Variants in FYB1 observed in about 807,000 individuals in gnomAD.
FYB1 encodes the protein FYN-binding protein 1.
In FYB1, 41 loss-of-function variants were observed where a neutral mutation model predicts 94.1. That is an observed-to-expected ratio of 0.44 (90% CI 0.34 to 0.57). The LOEUF (loss-of-function observed/expected upper bound fraction) is 0.57, where lower values mean the gene tolerates loss of function less well. Ranked by LOEUF, FYB1 falls within the 20% of genes least tolerant of loss-of-function variation. The pLI is 0.02. For synonymous variants in FYB1, 367 were observed against 353.2 expected, an observed-to-expected ratio of 1.04 and a Z score of -0.44; for missense variants, 1,050 against 976.8, an observed-to-expected ratio of 1.07 and a Z score of -1.00.
At chr5:39,143,247 C>T (rs1742341911) in intron 3 of FYB1, among the ~76,000 whole-genome samples, 1 of 152,072 alleles carries the variant, frequency 6.6e-6, no homozygotes, top group Admixed American at 6.6e-5. Flanking sequence ...CCAGCCTAAA[C>T]CTGCTCTCCC....
intron 1 of FYB1, among the ~76,000 whole-genome samples, chr5:39,267,832 T>G (rs1752496288): frequency 6.6e-6 from 1 of 152,240 alleles, no homozygotes; most frequent in African/African-American, 2.4e-5. Flanking sequence ...GGTTTTCACC[T>G]GGCTACTTTG....
At chr5:39,159,287 A>G (rs1744035598) in intron 2 of FYB1, among the ~76,000 whole-genome samples, 1 of 152,230 alleles carries the variant, frequency 6.6e-6, no homozygotes, top group Non-Finnish European at 1.5e-5. Flanking sequence ...TCTCTGGGCC[A>G]GTATAGGTAC....
intron 3 of FYB1, among the ~76,000 whole-genome samples, chr5:39,148,447 C>A (rs1015905624): frequency 9.5e-6 from 1 of 105,450 alleles, no homozygotes; most frequent in Non-Finnish European, 1.7e-5. Context: ...CTACATGACA[C>A]ATTAAACTTT....
At chr5:39,199,644 G>C (rs1433566085) in intron 2 of FYB1, among the ~76,000 whole-genome samples, 1 of 152,124 alleles carries the variant, frequency 6.6e-6, no homozygotes, top group Non-Finnish European at 1.5e-5. Context: ...TGAGTAAAAA[G>C]CCGGGGTGGG....
chr5:39,169,366 T>C, intron 2 of FYB1: 1 of 759,790 alleles, frequency 1.3e-6, no homozygotes, highest in Non-Finnish European at 2.5e-6. Context: ...AACCGGTCAA[T>C]TGAACTAGCT....
At chr5:39,227,485 A>G (rs79732272) in intron 1 of FYB1, among the ~76,000 whole-genome samples, 20,975 of 151,594 alleles carry the variant, frequency 0.14, 3,771 homozygotes, top group African/African-American at 0.4. Flanking sequence ...ATATACACAC[A>G]TATGTGGCAA....
upstream of FYB1, among the ~76,000 whole-genome samples, chr5:39,219,898 G>T (rs916436729): frequency 6.6e-6 from 1 of 152,138 alleles, no homozygotes. Flanking sequence ...GGGCCAAAGG[G>T]GGATGCTTAC....
chr5:39,107,366 A>T lies in FYB1; in HGVS notation c.*77T>A. On this transcript the variant is annotated 3_prime_UTR_variant, in exon 19 of 19. Coordinates refer to ENST00000512982, the MANE Select transcript of FYB1 (RefSeq NM_001465.6). ...GGTTTTGTGCATTAATTTTCTTGAT[A>T]CCCAATAACATGCCAATTAAAATCC... 1 of 969,924 alleles carries T rather than the reference A, an allele frequency of 1.0e-6. No individual in the cohort carries two copies. Among genetic ancestry groups the T allele is most frequent in the Non-Finnish European group, 1.5e-6 (1 of 672,372 alleles). 60.1% of individuals were successfully genotyped at this position (969,924 alleles called of 1,614,324 possible).
chr5:39,205,400 C>T (rs1425312740), intron 1 of FYB1, among the ~76,000 whole-genome samples: 2 of 152,138 alleles, frequency 1.3e-5, no homozygotes, highest in Middle Eastern at 6.3e-3. Flanking sequence ...GAAAATTAAA[C>T]AACTTGCTGT....
intron 1 of FYB1, among the ~76,000 whole-genome samples, chr5:39,241,475 T>G (rs753510230): frequency 6.6e-6 from 1 of 152,192 alleles, no homozygotes; most frequent in Non-Finnish European, 1.5e-5. Flanking sequence ...CCCACCTTCC[T>G]GTGTATGTGC....
chr5:39,212,170 C>T (rs1240782049), intron 1 of FYB1, among the ~76,000 whole-genome samples: 1 of 151,966 alleles, frequency 6.6e-6, no homozygotes, highest in Non-Finnish European at 1.5e-5. Context: ...TAGCCAGGCA[C>T]AGTGGTGAGT....
intron 1 of FYB1, among the ~76,000 whole-genome samples, chr5:39,227,969 A>G (rs536106277): frequency 3.3e-5 from 5 of 152,302 alleles, no homozygotes; most frequent in African/African-American, 1.2e-4. Context: ...GGAACTGGGA[A>G]CAGAAGGCTT....
Position 39,134,410 on chromosome 5 carries a change from A to C in FYB1, c.1676-61T>G. ...GTAGTTTAAATATTTTAAAGTTGTG[A>C]ATAAAATATCAATTGCACATTTGCT... On this transcript the variant is annotated intron_variant, in intron 8 of 18. Transcript: ENST00000512982. 2.2e-6 allele frequency: 3 copies of C among 1,338,548 alleles called. No homozygotes were observed. The South Asian group carries it at 4.1e-5, about 18-fold the overall frequency. The allele number at this position is 1,338,548 out of a possible 1,614,324, so 82.9% of individuals were successfully genotyped here.
intron 2 of FYB1, among the ~76,000 whole-genome samples, chr5:39,181,610 T>C (rs1746239994): frequency 6.6e-6 from 1 of 152,050 alleles, no homozygotes; most frequent in South Asian, 2.1e-4. Flanking sequence ...GTCTCAAAGA[T>C]TCCTCAAATT....
intron 1 of FYB1, among the ~76,000 whole-genome samples, chr5:39,236,623 C>T (rs1750977781): frequency 6.6e-6 from 1 of 152,060 alleles, no homozygotes; most frequent in Admixed American, 6.6e-5. Context: ...AAGATGCAGA[C>T]AGCTACATAA....
At chr5:39,220,309 G>A (rs35859028), upstream of FYB1, among the ~76,000 whole-genome samples, 1,720 of 151,844 alleles carry the variant, frequency 0.011, 20 homozygotes, top group South Asian at 0.033. Flanking sequence ...CATTTGGGAA[G>A]CTGAGGTGGG....
intron 2 of FYB1, among the ~76,000 whole-genome samples, chr5:39,193,468 T>C (rs914191886): frequency 6.6e-6 from 1 of 152,192 alleles, no homozygotes; most frequent in Non-Finnish European, 1.5e-5. Flanking sequence ...GATAACATCA[T>C]GCATAAACTT....
At chr5:39,182,570 C>T (rs971212864) in intron 2 of FYB1, among the ~76,000 whole-genome samples, 3 of 152,080 alleles carry the variant, frequency 2.0e-5, no homozygotes, top group Non-Finnish European at 4.4e-5. Flanking sequence ...CATGCAGGTA[C>T]GATTTGGGAA....
rs1488325367 is a variant in FYB1 at position 39,127,823 on chromosome 5, A to T, written c.1841-16T>A. On this transcript the variant is annotated splice_polypyrimidine_tract_variant and intron_variant, in intron 10 of 18. Coordinates refer to ENST00000512982, the MANE Select transcript of FYB1 (RefSeq NM_001465.6). ...GGGAATATCCCTTCATTTGGATTGG[A>T]GGAAAATCTTCTGTTAATTTTATAA... 6.3e-7 allele frequency: 1 copy of T among 1,588,118 alleles called. No individual in the cohort carries two copies. Among genetic ancestry groups the T allele is most frequent in the Non-Finnish European group, 8.6e-7 (1 of 1,169,402 alleles).
Sources: gnomAD v4.1 joint callset for allele counts (sites outside exome capture counted in the v4.1 genomes callset) on GRCh38, gnomAD v4.1.1 for gene constraint, MANE v1.5 for transcripts, NCBI Gene and HGNC (gene_info 2026-07-23, HGNC 2026-07-21) for gene names.